The following GTF2IRD2B variants were observed in gnomAD, a reference collection of about 807,000 sequenced individuals.
The protein encoded by GTF2IRD2B is general transcription factor II-I repeat domain-containing protein 2B.
In GTF2IRD2B, 10 loss-of-function variants were observed where a neutral mutation model predicts 55.6. The observed-to-expected ratio is 0.18, with a 90% CI of 0.11 to 0.31. The LOEUF is 0.31. GTF2IRD2B is among the 10% of genes least tolerant of loss of function. The pLI, the probability that GTF2IRD2B is intolerant of heterozygous loss-of-function variation, is 1.00. For synonymous variants in GTF2IRD2B, 107 were observed against 320.5 expected, an observed-to-expected ratio of 0.33 and a Z score of 7.12; for missense variants, 206 against 802.7, an observed-to-expected ratio of 0.26 and a Z score of 8.98.
rs71519356 is a variant in GTF2IRD2B, at chr7:75,113,781, GGTGTGTGTGT to G, written c.238+1273_238+1282del. Among the ~76,000 whole-genome samples, 11 of 80,066 alleles carry G rather than the reference GGTGTGTGTGT, an allele frequency of 1.4e-4. No individual in the cohort carries two copies. The South Asian group carries it at 1.8e-3, about 13-fold the overall frequency. The allele number at this position is 80,066 out of a possible 152,430, so 52.5% of individuals were successfully genotyped here. On this transcript the variant is annotated intron_variant, in intron 3 of 15. Transcript: ENST00000472837. ...AGAAAGGTTCGTCAGAGGGTATAAG[GGTGTGTGTGT>G]GTGTGTGTGTGTGTGTGTGTGTGTG...
intron 3 of GTF2IRD2B, among the ~76,000 whole-genome samples, chr7:75,114,648 C>G (rs1563093163): frequency 6.6e-6 from 1 of 151,940 alleles, no homozygotes; most frequent in Non-Finnish European, 1.5e-5. Flanking sequence ...CCATGTGTAT[C>G]CAAGGTTTGG....
rs587690655 is a variant in GTF2IRD2B at position 75,113,855 on chromosome 7, G to T, written c.238+1320G>T. On this transcript the variant is annotated intron_variant, in intron 3 of 15. Coordinates refer to ENST00000472837, the MANE Select transcript of GTF2IRD2B (RefSeq NM_001003795.3). ...AGGGGTCTCTATGGATTGGCAGAGG[G>T]TATATAAAGTGTGTGTGTGTGTGTG... 6.6e-4 allele frequency among the ~76,000 whole-genome samples: 92 copies of T among 139,728 alleles called. 1 individual carries two copies. The highest frequency in any genetic ancestry group is 5.4e-3 in the Admixed American group (74 of 13,620). The allele number at this position is 139,728 out of a possible 152,430, so 91.7% of individuals were successfully genotyped here.
chr7:75,123,094 G>T, intron 4 of GTF2IRD2B, 42 bp from the exon 5 acceptor site: 2 of 1,553,422 alleles, frequency 1.3e-6, no homozygotes, highest in East Asian at 2.3e-5. Context: ...CTGGTAGAAC[G>T]TTAGGTTCAC....
chr7:75,138,118 C>CATA (rs1808906977), intron 11 of GTF2IRD2B, among the ~76,000 whole-genome samples: 1 of 85,762 alleles, frequency 1.2e-5, no homozygotes, highest in Non-Finnish European at 2.3e-5. Flanking sequence ...TTCACTCAGA[C>CATA]ATAGCCCCTT....
upstream of GTF2IRD2B, chr7:75,092,565 AAG>A (rs1219639351): frequency 2.0e-5 from 3 of 146,484 alleles, no homozygotes; most frequent in African/African-American, 7.4e-5. Context: ...CAAACAAAAA[AAG>A]GGGGGAAAAG....
At chr7:75,134,011 G>C (rs1275679249) in intron 9 of GTF2IRD2B, among the ~76,000 whole-genome samples, 17 of 126,678 alleles carry the variant, frequency 1.3e-4, no homozygotes, top group African/African-American at 5.3e-4. Flanking sequence ...TTCCTGAACT[G>C]ACTGGTCACT....
intron 8 of GTF2IRD2B, among the ~76,000 whole-genome samples, chr7:75,127,018 C>CA (rs1159282499): frequency 0.011 from 798 of 74,934 alleles, 7 homozygotes; most frequent in African/African-American, 0.025. Flanking sequence ...AAAACAAAAA[C>CA]AAAAACAAAA....
At chr7:75,127,486 AAAAAAAGAG>A (rs1237065045) in intron 8 of GTF2IRD2B, among the ~76,000 whole-genome samples, 2 of 149,312 alleles carry the variant, frequency 1.3e-5, no homozygotes, top group African/African-American at 4.9e-5. Flanking sequence ...AAAAAAAAAA[AAAAAAAGAG>A]AGAGAGAGAG....
intron 15 of GTF2IRD2B, among the ~76,000 whole-genome samples, chr7:75,145,625 C>T (rs1177416085): frequency 1.2e-4 from 18 of 145,908 alleles, no homozygotes; most frequent in African/African-American, 3.8e-4. Context: ...CCCAGCTACT[C>T]GGGAGGCTGA....
intron 3 of GTF2IRD2B, chr7:75,112,741 G>A (rs1808015428): frequency 4.4e-6 from 3 of 678,998 alleles, no homozygotes; most frequent in Non-Finnish European, 7.7e-6. Flanking sequence ...TAGGTCCTCA[G>A]CGGTACTCTG....
rs782644009 is a variant in GTF2IRD2B, at chr7:75,149,158, A to T, written c.2711A>T (p.His904Leu). ...GGTAGCTACCCGAAATACAAGCACC[A>T]TTGCGCAAAGATTCTTTCCATGTTC... is the stretch of plus-strand genomic sequence containing the variant. The part of the protein sequence containing the change: ...LWGSYPKYKH[H>L]CAKILSMFGS... The change falls in exon 16 of 16, where the codon CAT becomes CTT. Residue 904 changes from histidine (H) to leucine (L), a missense_variant. His to Leu is a moderately conservative substitution (Grantham distance 99, BLOSUM62 -3). Coordinates refer to ENST00000472837, the MANE Select transcript of GTF2IRD2B (RefSeq NM_001003795.3). 3.0e-6 allele frequency: 2 copies of T among 661,666 alleles called. No homozygotes were observed. Among genetic ancestry groups the T allele is most frequent in the South Asian group, 3.4e-5 (2 of 59,066 alleles). The allele number at this position is 661,666 out of a possible 1,614,324, so 41.0% of individuals were successfully genotyped here.
chr7:75,120,129 A>G (rs587761968), intron 3 of GTF2IRD2B, among the ~76,000 whole-genome samples: 2 of 110,082 alleles, frequency 1.8e-5, no homozygotes, highest in East Asian at 4.2e-4. Context: ...ACTCTGTCTC[A>G]AAAAAAAAAA....
chr7:75,137,228 G>A (rs1188798621), intron 11 of GTF2IRD2B, among the ~76,000 whole-genome samples: 1 of 151,086 alleles, frequency 6.6e-6, no homozygotes, highest in Non-Finnish European at 1.5e-5. Context: ...AAATTGTGGG[G>A]AAGAGATTGA....
At chr7:75,123,675 A>G in intron 6 of GTF2IRD2B, 159 bp downstream of exon 6, 1 of 661,466 alleles carries the variant, frequency 1.5e-6, no homozygotes, top group South Asian at 1.5e-5. Flanking sequence ...GGAGATCGCG[A>G]CCATCCTGGC....
chr7:75,126,963 C>G (rs1380253873), intron 8 of GTF2IRD2B, among the ~76,000 whole-genome samples: 3 of 148,398 alleles, frequency 2.0e-5, no homozygotes, highest in South Asian at 4.2e-4. Context: ...CACCACTGCA[C>G]TCCACCTTGG....
chr7:75,101,660 AGG>A (rs1198415708), intron 1 of GTF2IRD2B, among the ~76,000 whole-genome samples: 1 of 150,796 alleles, frequency 6.6e-6, no homozygotes, highest in Non-Finnish European at 1.5e-5. Context: ...TGGGAGGCCA[AGG>A]AGGGTGGATC....
chr7:75,121,483 G>A (rs1808364020), intron 4 of GTF2IRD2B, among the ~76,000 whole-genome samples: 1 of 150,922 alleles, frequency 6.6e-6, no homozygotes, highest in Non-Finnish European at 1.5e-5. Context: ...TTTCTGAGAG[G>A]AGTCTTGCTC....
chr7:75,104,414 G>A (rs1474675704), intron 1 of GTF2IRD2B, among the ~76,000 whole-genome samples: 3 of 151,880 alleles, frequency 2.0e-5, no homozygotes, highest in East Asian at 1.9e-4. Context: ...CCACCACGCC[G>A]GCCCCATTTC....
At chr7:75,104,156 T>C (rs1807683822) in intron 1 of GTF2IRD2B, among the ~76,000 whole-genome samples, 1 of 132,654 alleles carries the variant, frequency 7.5e-6, no homozygotes, top group African/African-American at 2.8e-5. Context: ...GGAATCTTAC[T>C]CTGTTGCCCC....
Sources: allele counts gnomAD v4.1 joint callset (sites outside exome capture counted in the v4.1 genomes callset), GRCh38; gene constraint gnomAD v4.1.1; transcripts MANE v1.5; gene names NCBI Gene and HGNC (gene_info 2026-07-23, HGNC 2026-07-21).